PTPRK: variants seen among roughly 807,000 people sequenced by gnomAD.
PTPRK encodes the protein protein tyrosine phosphatase receptor type K, also known as receptor-type tyrosine-protein phosphatase kappa.
In PTPRK, 75 loss-of-function variants were observed where a neutral mutation model predicts 178.0. That is an observed-to-expected ratio of 0.42 (90% CI 0.35 to 0.51). The LOEUF is 0.51. Among genes scored for constraint, PTPRK ranks in the 20% least tolerant of loss-of-function variants. The pLI is 0.02. For synonymous variants in PTPRK, 637 were observed against 620.6 expected (o/e 1.03, Z -0.39); for missense variants, 1,441 against 1,797.8 (o/e 0.80, Z 3.59).
At chr6:128,413,961 T>C (rs1307324308) in intron 1 of PTPRK, among the ~76,000 whole-genome samples, 3 of 152,018 alleles carry the variant, frequency 2.0e-5, no homozygotes, top group Non-Finnish European at 4.4e-5. Flanking sequence ...AGTTAATAAA[T>C]CACTAAAAGA....
chr6:128,081,516 T>A (rs1485155441), intron 10 of PTPRK, among the ~76,000 whole-genome samples: 3 of 151,880 alleles, frequency 2.0e-5, no homozygotes, highest in African/African-American at 7.2e-5. Flanking sequence ...ATTAAAAAAA[T>A]GAAAGACATA....
chr6:128,117,262 C>A (rs1428476163), intron 7 of PTPRK, among the ~76,000 whole-genome samples: 2 of 152,042 alleles, frequency 1.3e-5, no homozygotes, highest in Admixed American at 6.5e-5. Context: ...CGTTCAATAC[C>A]CCCTAAAGCT....
chr6:128,410,198 G>C (rs1842145150), intron 1 of PTPRK, among the ~76,000 whole-genome samples: 2 of 152,164 alleles, frequency 1.3e-5, no homozygotes, highest in Non-Finnish European at 2.9e-5. Context: ...ATTTGTCTAA[G>C]ATTCTTTCAT....
chr6:128,471,604 T>C (rs369841431), intron 1 of PTPRK, among the ~76,000 whole-genome samples: 1 of 63,600 alleles, frequency 1.6e-5, no homozygotes, highest in Non-Finnish European at 3.2e-5. Context: ...CAAAACAACC[T>C]AAAAAAAAAA....
At chr6:128,263,446 A>G (rs1818476710) in intron 3 of PTPRK, among the ~76,000 whole-genome samples, 1 of 152,116 alleles carries the variant, frequency 6.6e-6, no homozygotes, top group Non-Finnish European at 1.5e-5. Flanking sequence ...CACCATGGCC[A>G]ATTTCAAGCT....
At chr6:128,172,455 G>A (rs954924511) in intron 7 of PTPRK, among the ~76,000 whole-genome samples, 1 of 151,742 alleles carries the variant, frequency 6.6e-6, no homozygotes, top group Non-Finnish European at 1.5e-5. Flanking sequence ...ATTTAAGTTT[G>A]TCCTACAGAG....
chr6:128,111,470 T>C, intron 7 of PTPRK, among the ~76,000 whole-genome samples: 1 of 152,234 alleles, frequency 6.6e-6, no homozygotes, highest in East Asian at 1.9e-4. Flanking sequence ...GAACTTAAAC[T>C]GTATCTCAGA....
At chr6:128,074,923 C>T (rs1783512384) in intron 11 of PTPRK, among the ~76,000 whole-genome samples, 1 of 151,964 alleles carries the variant, frequency 6.6e-6, no homozygotes, top group African/African-American at 2.4e-5. Context: ...AAAATAACTC[C>T]TCTTTTCATA....
At chr6:128,203,905 T>A (rs919877862) in intron 6 of PTPRK, among the ~76,000 whole-genome samples, 1 of 152,178 alleles carries the variant, frequency 6.6e-6, no homozygotes, top group East Asian at 1.9e-4. Context: ...ATGTTCCTCA[T>A]AAAATTAGAA....
chr6:128,053,945 T>G (rs1779478068), intron 13 of PTPRK, among the ~76,000 whole-genome samples: 2 of 152,238 alleles, frequency 1.3e-5, no homozygotes, highest in Admixed American at 6.5e-5. Flanking sequence ...AGCTTGTTTC[T>G]TCACCTCTAC....
At chr6:128,095,430 G>C (rs1198472699) in intron 7 of PTPRK, among the ~76,000 whole-genome samples, 1 of 152,012 alleles carries the variant, frequency 6.6e-6, no homozygotes, top group Non-Finnish European at 1.5e-5. Flanking sequence ...TTGTTCTGTT[G>C]TTTTGCTTTA....
intron 7 of PTPRK, among the ~76,000 whole-genome samples, chr6:128,156,645 A>G (rs937498639): frequency 2.6e-5 from 4 of 151,978 alleles, no homozygotes; most frequent in African/African-American, 4.8e-5. Flanking sequence ...ACAATTCACA[A>G]TGAGATTTCA....
At chr6:128,326,216 G>A (rs929176112) in intron 2 of PTPRK, among the ~76,000 whole-genome samples, 1 of 151,988 alleles carries the variant, frequency 6.6e-6, no homozygotes, top group South Asian at 2.1e-4. Flanking sequence ...GTAGACAACG[G>A]GTTGACGAGT....
In PTPRK at chr6:127,969,925, T is replaced by C. The variant is rs554007792; in HGVS notation, c.*302A>G. On this transcript the variant is annotated 3_prime_UTR_variant, in exon 30 of 30. Transcript: ENST00000368226. ...TGTGGTAGCTGCTCTACTGAAACCATGAGAAAAAAGGTGGCATGTTCACTG... is the reference window on the plus strand; with the variant it reads ...TGTGGTAGCTGCTCTACTGAAACCACGAGAAAAAAGGTGGCATGTTCACTG... The C allele has an allele frequency of 7.8e-5, 18 of 229,330 alleles. No homozygotes were observed. Among genetic ancestry groups the C allele is most frequent in the South Asian group, 1.6e-4 (1 of 6,126 alleles). The allele number at this position is 229,330 out of a possible 1,614,324, so 14.2% of individuals were successfully genotyped here.
intron 11 of PTPRK, among the ~76,000 whole-genome samples, chr6:128,072,631 G>C (rs1417583696): frequency 6.6e-6 from 1 of 151,908 alleles, no homozygotes; most frequent in Admixed American, 6.6e-5. Context: ...CTCCATTCTT[G>C]TTTTATCTCC....
intron 7 of PTPRK, among the ~76,000 whole-genome samples, chr6:128,109,060 A>C (rs749295100): frequency 6.6e-6 from 1 of 152,172 alleles, no homozygotes; most frequent in Non-Finnish European, 1.5e-5. Flanking sequence ...CACAGAACAG[A>C]ATGATAATTT....
At chr6:128,490,643 C>T (rs1853641718) in intron 1 of PTPRK, among the ~76,000 whole-genome samples, 1 of 152,206 alleles carries the variant, frequency 6.6e-6, no homozygotes, top group Admixed American at 6.5e-5. Flanking sequence ...GACCTTGGGG[C>T]AGTCGCTCAA....
intron 2 of PTPRK, among the ~76,000 whole-genome samples, chr6:128,327,337 T>C (rs1829716246): frequency 1.3e-5 from 2 of 152,324 alleles, no homozygotes; most frequent in Non-Finnish European, 2.9e-5. Context: ...ATAATATTTG[T>C]ATTGTCAGTT....
chr6:128,022,679 G>T (rs1007221203), intron 13 of PTPRK, among the ~76,000 whole-genome samples: 14 of 152,132 alleles, frequency 9.2e-5, no homozygotes, highest in Admixed American at 6.5e-4. Flanking sequence ...CAGCTGGCTG[G>T]GGGTCCTCAG....
Sources: allele counts gnomAD v4.1 joint callset (sites outside exome capture counted in the v4.1 genomes callset), GRCh38; gene constraint gnomAD v4.1.1; transcripts MANE v1.5; gene names NCBI Gene and HGNC (gene_info 2026-07-23, HGNC 2026-07-21).